Variants in ANK2 observed in about 807,000 individuals in gnomAD.
The protein encoded by ANK2 is ankyrin-2.
ANK2 carries 83 observed loss-of-function variants against 360.5 expected under a neutral mutation model. That is an observed-to-expected ratio of 0.23 (90% CI 0.19 to 0.28). The LOEUF (loss-of-function observed/expected upper bound fraction) is 0.28. ANK2 is among the 10% of genes least tolerant of loss of function. ANK2 has a pLI of 1.00. For missense variants in ANK2, 4,201 were observed against 4,795.7 expected (o/e 0.88, Z 3.66); for synonymous variants, 1,740 against 1,759.5 (o/e 0.99, Z 0.28).
At chr4:112,838,765 A>T (rs1410299264) in intron 1 of ANK2, among the ~76,000 whole-genome samples, 2 of 152,198 alleles carry the variant, frequency 1.3e-5, no homozygotes, top group African/African-American at 4.8e-5. Context: ...GCTACTCGGG[A>T]GGCTGAGGCA....
intron 2 of ANK2, among the ~76,000 whole-genome samples, chr4:113,024,302 ACT>A (rs761810222): frequency 1.3e-5 from 2 of 152,130 alleles, no homozygotes; most frequent in Admixed American, 1.3e-4. Flanking sequence ...TATACTAGAC[ACT>A]CTCTCAGATA....
chr4:113,161,948 C>A (rs2097551752), intron 1 of ANK2, among the ~76,000 whole-genome samples: 4 of 152,130 alleles, frequency 2.6e-5, no homozygotes, highest in Admixed American at 2.6e-4. Flanking sequence ...CACTCTATGG[C>A]CTCTATCTTT....
rs190364590 is a variant in ANK2, at chr4:113,265,805, C to T, written c.1485+810C>T. Among the ~76,000 whole-genome samples the T allele has an allele frequency of 1.1e-4, 16 of 152,014 alleles. 1 individual carries two copies. In the East Asian group the frequency reaches 2.9e-3, roughly 28 times the overall value. ...TGAGATTCTCATGTTAAATAATTTC[C>T]CTCCTTCTTCAATATTTGATATACC... On this transcript the variant is annotated intron_variant, in intron 14 of 45. Coordinates refer to ENST00000357077, the MANE Select transcript of ANK2 (RefSeq NM_001148.6).
At chr4:113,159,089 T>G in intron 1 of ANK2, among the ~76,000 whole-genome samples, 1 of 152,046 alleles carries the variant, frequency 6.6e-6, no homozygotes, top group Non-Finnish European at 1.5e-5. Flanking sequence ...AGGTTTTGGG[T>G]ATTCTAAGAA....
chr4:113,146,357 T>A (rs2096834616), intron 1 of ANK2, among the ~76,000 whole-genome samples: 1 of 152,216 alleles, frequency 6.6e-6, no homozygotes, highest in South Asian at 2.1e-4. Context: ...GTCTGTCAAA[T>A]TCTTTCGCCT....
intron 26 of ANK2, among the ~76,000 whole-genome samples, chr4:113,328,121 A>G (rs2090959681): frequency 6.6e-6 from 1 of 152,220 alleles, no homozygotes; most frequent in Non-Finnish European, 1.5e-5. Context: ...AGCACACAAC[A>G]TGAGCGTGGA....
At chr4:112,881,359 C>T (rs2076649179) in intron 1 of ANK2, among the ~76,000 whole-genome samples, 2 of 152,156 alleles carry the variant, frequency 1.3e-5, no homozygotes, top group African/African-American at 4.8e-5. Flanking sequence ...TCGCTTGAGC[C>T]CAGGAGGTGG....
At chr4:113,107,006 A>G in intron 1 of ANK2, 1 of 493,016 alleles carries the variant, frequency 2.0e-6, no homozygotes, top group African/African-American at 2.0e-5. Context: ...TCAAATGGTG[A>G]TTGTTCTTTG....
At chr4:112,850,440 C>A (rs28804527) in intron 1 of ANK2, among the ~76,000 whole-genome samples, 1 of 52,768 alleles carries the variant, frequency 1.9e-5, no homozygotes, top group Non-Finnish European at 3.6e-5. Flanking sequence ...AGTTGTTGTT[C>A]GTTTCTTTTT....
the ANK2 span, among the ~76,000 whole-genome samples, chr4:112,761,539 G>C: frequency 2.0e-5 from 3 of 152,170 alleles, no homozygotes; most frequent in Non-Finnish European, 4.4e-5. Context: ...AGAGTCGCTT[G>C]AACCAGGGAG....
Position 113,355,278 on chromosome 4 carries a change from G to A in ANK2, c.6660G>A (p.Glu2220=), listed in dbSNP as rs2095678713. ...GCTCTCCGTGTGGCAGCCTGATGGAGGGGACCCCTCAGATTAGTTCAGAAG... is the reference window on the plus strand; with the variant it reads ...GCTCTCCGTGTGGCAGCCTGATGGAAGGGACCCCTCAGATTAGTTCAGAAG... ...VAGSPCGSLM[E]GTPQISSEES... The change falls in exon 38 of 46, where the codon GAG becomes GAA. Residue 2220 remains glutamate (E), a synonymous_variant. Coordinates refer to ENST00000357077, the MANE Select transcript of ANK2 (RefSeq NM_001148.6). 1 of 1,613,934 alleles carries A rather than the reference G, an allele frequency of 6.2e-7. No homozygotes were observed. Among genetic ancestry groups the A allele is most frequent in the African/African-American group, 1.3e-5 (1 of 74,904 alleles).
At chr4:113,200,030 T>C (rs2098807575) in intron 4 of ANK2, among the ~76,000 whole-genome samples, 1 of 152,248 alleles carries the variant, frequency 6.6e-6, no homozygotes. Flanking sequence ...AAATCAGCCC[T>C]ATTTTCTTTG....
intron 2 of ANK2, among the ~76,000 whole-genome samples, chr4:112,967,033 A>T (rs2037556613): frequency 6.6e-6 from 1 of 152,200 alleles, no homozygotes; most frequent in African/African-American, 2.4e-5. Context: ...TCAGAGTAGT[A>T]GGAGAAAATA....
At position 113,307,706 on chromosome 4, in the gene ANK2, G is replaced by A. The variant is rs576073015; in HGVS notation, c.2549-3549G>A. 7.2e-4 allele frequency among the ~76,000 whole-genome samples: 109 copies of A among 152,204 alleles called. 1 individual carries two copies. The highest frequency in any genetic ancestry group is 6.8e-3 in the Middle Eastern group (2 of 294). ...GCGTGAGTCACCACGCCCGGCCGCC[G>A]TTCCACTTTAAGTTATTCCCATGCT... On this transcript the variant is annotated intron_variant, in intron 23 of 45. Coordinates refer to ENST00000357077, the MANE Select transcript of ANK2 (RefSeq NM_001148.6).
chr4:113,009,210 G>A (rs995643230), intron 2 of ANK2, among the ~76,000 whole-genome samples: 2 of 152,108 alleles, frequency 1.3e-5, no homozygotes, highest in African/African-American at 4.8e-5. Context: ...TAAGTGAGAT[G>A]GATGTGGTAT....
intron 1 of ANK2, among the ~76,000 whole-genome samples, chr4:112,860,550 C>T (rs1328278668): frequency 2.0e-5 from 3 of 152,082 alleles, no homozygotes; most frequent in African/African-American, 7.2e-5. Context: ...GACACTTGAA[C>T]CCTCTAGGCT....
At chr4:113,040,027 C>T (rs1480020539) in intron 2 of ANK2, among the ~76,000 whole-genome samples, 5 of 151,712 alleles carry the variant, frequency 3.3e-5, no homozygotes, top group East Asian at 1.9e-4. Context: ...TTAAGTTGCC[C>T]CTGAAAAAAT....
the ANK2 span, chr4:112,797,854 T>G: frequency 1.3e-5 from 2 of 153,178 alleles, no homozygotes; most frequent in African/African-American, 4.8e-5. Flanking sequence ...ATACTGTTCT[T>G]TAGCCTTACT....
At chr4:113,206,231 C>T (rs2098945975) in intron 4 of ANK2, among the ~76,000 whole-genome samples, 1 of 152,142 alleles carries the variant, frequency 6.6e-6, no homozygotes, top group Non-Finnish European at 1.5e-5. Context: ...GTTAGTTTTC[C>T]TGATGCTCTC....
Sources: gnomAD v4.1 joint callset for allele counts (sites outside exome capture counted in the v4.1 genomes callset) on GRCh38, gnomAD v4.1.1 for gene constraint, MANE v1.5 for transcripts, NCBI Gene and HGNC (gene_info 2026-07-23, HGNC 2026-07-21) for gene names.